PCDHA6: variants seen among roughly 807,000 people sequenced by gnomAD.
PCDHA6 encodes protocadherin alpha 6, also known as protocadherin alpha-6.
A neutral mutation model predicts 60.3 loss-of-function variants in PCDHA6; 55 were observed. The ratio of observed to expected loss-of-function variants is 0.91; its 90% CI spans 0.73 to 1.14. The LOEUF is 1.14. Ranked by LOEUF, PCDHA6 falls within the 50% of genes most tolerant of loss-of-function variation. The probability of loss-of-function intolerance (pLI) is 0.00; values close to 1 mark genes in which losing one functional copy is unlikely to be tolerated. For synonymous variants in PCDHA6, 652 were observed against 557.9 expected, an observed-to-expected ratio of 1.17 and a Z score of -2.38; for missense variants, 1,327 against 1,256.5, an observed-to-expected ratio of 1.06 and a Z score of -0.85.
In PCDHA6 at chr5:140,929,213, A is replaced by T. The variant is rs199608631; in HGVS notation, c.2395-49736A>T. On this transcript the variant is annotated intron_variant, in intron 1 of 3. Coordinates refer to ENST00000529310, the MANE Select transcript of PCDHA6 (RefSeq NM_018909.4). ...AATAACAGTTTGCTGTTGCGTGGGG[A>T]GTACAATGCTGCCGACCTGCGAAAT... 3 of 1,614,052 alleles carry T rather than the reference A, an allele frequency of 1.9e-6. No homozygotes were observed. The East Asian group carries it at 6.7e-5, about 36-fold the overall frequency.
intron 1 of PCDHA6, among the ~76,000 whole-genome samples, chr5:140,963,059 A>G (rs1307714661): frequency 6.6e-6 from 1 of 152,162 alleles, no homozygotes; most frequent in Non-Finnish European, 1.5e-5. Context: ...GGGTTTCTAC[A>G]TTGTGAAGGA....
chr5:140,952,724 C>G (rs1481919445), intron 1 of PCDHA6, among the ~76,000 whole-genome samples: 1 of 152,100 alleles, frequency 6.6e-6, no homozygotes, highest in Non-Finnish European at 1.5e-5. Context: ...ATTTTCTGTA[C>G]TAGTCTTTTC....
intron 1 of PCDHA6, among the ~76,000 whole-genome samples, chr5:140,941,246 T>C (rs1332165821): frequency 7.1e-6 from 1 of 141,078 alleles, no homozygotes; most frequent in East Asian, 2.0e-4. Flanking sequence ...TTTCTTTCTT[T>C]CTTTCTTTCT....
At chr5:140,926,441 A>T (rs1476576189) in intron 1 of PCDHA6, 1 of 154,800 alleles carries the variant, frequency 6.5e-6, no homozygotes, top group Non-Finnish European at 1.4e-5. Context: ...AGATCTGGGC[A>T]GCCTCAGGGC....
intron 1 of PCDHA6, among the ~76,000 whole-genome samples, chr5:140,839,959 T>C (rs1776495243): frequency 6.6e-6 from 1 of 151,872 alleles, no homozygotes; most frequent in South Asian, 2.1e-4. Context: ...ACATATTTTC[T>C]GTAAAATATG....
intron 1 of PCDHA6, among the ~76,000 whole-genome samples, chr5:140,975,697 AT>A (rs1375810410): frequency 1.3e-5 from 2 of 152,182 alleles, no homozygotes; most frequent in African/African-American, 4.8e-5. Flanking sequence ...TTTTAAACTT[AT>A]TTTACTTTAA....
intron 1 of PCDHA6, among the ~76,000 whole-genome samples, chr5:140,972,225 G>A (rs959858462): frequency 3.3e-5 from 5 of 151,474 alleles, no homozygotes; most frequent in Admixed American, 2.0e-4. Context: ...CTGCAGCCTC[G>A]ACCTTCTGGG....
intron 1 of PCDHA6, chr5:140,858,297 A>T: frequency 1.3e-6 from 2 of 1,597,406 alleles, no homozygotes; most frequent in Non-Finnish European, 1.7e-6. Context: ...TCTTACTCGC[A>T]GCAGAGGCGG....
In PCDHA6 at chr5:140,849,592, G is replaced by A. The variant is rs2040979573; in HGVS notation, c.2394+19107G>A. 1.3e-6 allele frequency: 2 copies of A among 1,598,672 alleles called. No individual in the cohort carries two copies. The highest frequency in any genetic ancestry group is 1.7e-6 in the Non-Finnish European group (2 of 1,167,964). On this transcript the variant is annotated intron_variant, in intron 1 of 3. Coordinates refer to ENST00000529310, the MANE Select transcript of PCDHA6 (RefSeq NM_018909.4). Reference sequence around the variant, plus strand: ...CCTGTAAAAGAGGACGCACAACTGGGGACAGTTATTGCCCTGATTAGTGTG... The same window carrying A: ...CCTGTAAAAGAGGACGCACAACTGGAGACAGTTATTGCCCTGATTAGTGTG...
Position 140,842,861 on chromosome 5 carries a change from A to G in PCDHA6, c.2394+12376A>G, listed in dbSNP as rs2150346552. Reference sequence around the variant, plus strand: ...GAGCTACATTTCGGTGCACACGGAGAGCGGCAAGGTGTACGCGCTGCAGCC... The same window carrying G: ...GAGCTACATTTCGGTGCACACGGAGGGCGGCAAGGTGTACGCGCTGCAGCC... On this transcript the variant is annotated intron_variant, in intron 1 of 3. Coordinates refer to ENST00000529310, the MANE Select transcript of PCDHA6 (RefSeq NM_018909.4). 2.6e-5 allele frequency: 42 copies of G among 1,593,576 alleles called. 3 individuals are homozygous for G. In the South Asian group the frequency reaches 4.4e-4, roughly 17 times the overall value.
chr5:140,874,132 A>T (rs181983769), intron 1 of PCDHA6, among the ~76,000 whole-genome samples: 8 of 152,358 alleles, frequency 5.3e-5, no homozygotes, highest in Non-Finnish European at 1.2e-4. Flanking sequence ...TATTTAAGTT[A>T]TCTTATACTT....
chr5:140,891,418 C>G (rs2063090538), intron 1 of PCDHA6, among the ~76,000 whole-genome samples: 1 of 146,594 alleles, frequency 6.8e-6, no homozygotes, highest in Non-Finnish European at 1.5e-5. Flanking sequence ...CCACTCTTGC[C>G]CCCAAGTCCC....
intron 1 of PCDHA6, chr5:140,927,469 C>T (rs17844359): frequency 6.2e-7 from 1 of 1,614,082 alleles, no homozygotes; most frequent in Non-Finnish European, 8.5e-7. Context: ...AGCACTGGAT[C>T]GCGAACAGCG....
chr5:140,874,500 C>T (rs1241228989), intron 1 of PCDHA6, among the ~76,000 whole-genome samples: 1 of 152,220 alleles, frequency 6.6e-6, no homozygotes, highest in African/African-American at 2.4e-5. Context: ...ATCAAGTTCA[C>T]ATTCTCTTGA....
intron 1 of PCDHA6, chr5:140,869,225 A>G (rs2050944514): frequency 6.2e-7 from 1 of 1,613,790 alleles, no homozygotes; most frequent in African/African-American, 1.3e-5. Flanking sequence ...GAGGCCAAAC[A>G]CGGCACCTTC....
chr5:140,947,987 C>G (rs1554218389), intron 1 of PCDHA6, among the ~76,000 whole-genome samples: 1 of 144,778 alleles, frequency 6.9e-6, no homozygotes, highest in African/African-American at 2.6e-5. Context: ...AGGTTTTTCC[C>G]AAATACTTTA....
intron 1 of PCDHA6, among the ~76,000 whole-genome samples, chr5:140,891,067 C>G (rs2062935872): frequency 6.6e-6 from 1 of 152,096 alleles, no homozygotes; most frequent in Admixed American, 6.6e-5. Flanking sequence ...AAATATTATT[C>G]CAGTGTCTAC....
chr5:140,883,484 T>C, intron 1 of PCDHA6: 1 of 1,614,066 alleles, frequency 6.2e-7, no homozygotes, highest in Non-Finnish European at 8.5e-7. Flanking sequence ...GAACTACTAC[T>C]CATTAGTGCT....
intron 1 of PCDHA6, among the ~76,000 whole-genome samples, chr5:140,840,696 C>T (rs2150308917): frequency 6.6e-6 from 1 of 152,100 alleles, no homozygotes; most frequent in Admixed American, 6.5e-5. Flanking sequence ...TAAAACGGTT[C>T]AGGCAATTTG....
Sources: gnomAD v4.1 joint callset for allele counts (sites outside exome capture counted in the v4.1 genomes callset) on GRCh38, gnomAD v4.1.1 for gene constraint, MANE v1.5 for transcripts, NCBI Gene and HGNC (gene_info 2026-07-23, HGNC 2026-07-21) for gene names.